The following SH3BGRL2 variants were observed in gnomAD, a reference collection of about 807,000 sequenced individuals.
SH3BGRL2 encodes the protein SH3 domain binding glutamate rich protein like 2.
Under a neutral mutation model 14.8 loss-of-function variants are expected in SH3BGRL2, and 21 were observed. The observed-to-expected ratio is 1.42, with a 90% CI of 1.01 to 2.05. The LOEUF (loss-of-function observed/expected upper bound fraction) is 2.05. Ranked by LOEUF, SH3BGRL2 falls within the 30% of genes most tolerant of loss-of-function variation. SH3BGRL2 has a pLI of 0.00. For synonymous variants in SH3BGRL2, 50 were observed against 47.8 expected, an observed-to-expected ratio of 1.05 and a Z score of -0.19; for missense variants, 147 against 130.8, an observed-to-expected ratio of 1.12 and a Z score of -0.61.
chr6:79,547,693 C>T, the SH3BGRL2 span, among the ~76,000 whole-genome samples: 1 of 152,026 alleles, frequency 6.6e-6, no homozygotes. Flanking sequence ...ACTTCAAAAA[C>T]TGAAAGTAAT....
intron 1 of SH3BGRL2, among the ~76,000 whole-genome samples, chr6:79,650,362 A>AGAT (rs1769263304): frequency 6.6e-6 from 1 of 152,186 alleles, no homozygotes; most frequent in Non-Finnish European, 1.5e-5. Context: ...AGTACCGATG[A>AGAT]GATGACCAAC....
chr6:79,552,137 T>C, the SH3BGRL2 span, among the ~76,000 whole-genome samples: 2 of 152,140 alleles, frequency 1.3e-5, no homozygotes, highest in African/African-American at 2.4e-5. Context: ...GTGTGCAGTC[T>C]CTGTAACCTG....
At chr6:79,550,745 C>T in the SH3BGRL2 span, among the ~76,000 whole-genome samples, 111 of 152,200 alleles carry the variant, frequency 7.3e-4, no homozygotes, top group African/African-American at 2.5e-3. Context: ...ATAGGAGATG[C>T]CTTTGCACAG....
intron 2 of SH3BGRL2, among the ~76,000 whole-genome samples, chr6:79,694,295 C>G (rs1485830324): frequency 1.3e-5 from 2 of 152,204 alleles, no homozygotes; most frequent in Non-Finnish European, 2.9e-5. Context: ...ATTTAGCCCT[C>G]TTCCTCCTCT....
intron 1 of SH3BGRL2, among the ~76,000 whole-genome samples, chr6:79,636,705 C>A (rs894292467): frequency 6.6e-6 from 1 of 152,126 alleles, no homozygotes; most frequent in Non-Finnish European, 1.5e-5. Flanking sequence ...CCATGTCTTT[C>A]TCCTAGTTTC....
the SH3BGRL2 span, among the ~76,000 whole-genome samples, chr6:79,544,093 C>T: frequency 6.6e-6 from 1 of 152,152 alleles, no homozygotes; most frequent in Admixed American, 6.5e-5. Flanking sequence ...TTCTCAGTTC[C>T]TGTTTCTGGT....
At chr6:79,537,983 TG>T in the SH3BGRL2 span, among the ~76,000 whole-genome samples, 2 of 142,908 alleles carry the variant, frequency 1.4e-5, no homozygotes, top group African/African-American at 5.2e-5. Context: ...GGAACGGGTT[TG>T]GGGTGGAATG....
At chr6:79,665,376 G>A (rs1188285581) in intron 1 of SH3BGRL2, among the ~76,000 whole-genome samples, 2 of 152,114 alleles carry the variant, frequency 1.3e-5, no homozygotes, top group African/African-American at 2.4e-5. Flanking sequence ...TAATACAACA[G>A]AAACATCCTT....
intron 1 of SH3BGRL2, among the ~76,000 whole-genome samples, chr6:79,671,662 C>T (rs1196783967): frequency 6.6e-6 from 1 of 152,164 alleles, no homozygotes; most frequent in Admixed American, 6.5e-5. Flanking sequence ...TGGAATTAAG[C>T]CCAGCACATG....
At chr6:79,570,370 T>C in the SH3BGRL2 span, among the ~76,000 whole-genome samples, 1 of 152,178 alleles carries the variant, frequency 6.6e-6, no homozygotes, top group Non-Finnish European at 1.5e-5. Context: ...GAGTGCTAGC[T>C]CAAATCATTT....
the SH3BGRL2 span, among the ~76,000 whole-genome samples, chr6:79,618,028 A>G: frequency 2.0e-5 from 3 of 152,222 alleles, no homozygotes; most frequent in Non-Finnish European, 4.4e-5. Context: ...AATTATGTAG[A>G]TTATTTAATA....
the SH3BGRL2 span, among the ~76,000 whole-genome samples, chr6:79,580,707 A>G: frequency 6.6e-6 from 1 of 152,206 alleles, no homozygotes; most frequent in African/African-American, 2.4e-5. Context: ...TCTAAAATCG[A>G]CACACTAACA....
At chr6:79,591,319 A>C in the SH3BGRL2 span, among the ~76,000 whole-genome samples, 4 of 152,248 alleles carry the variant, frequency 2.6e-5, no homozygotes, top group South Asian at 8.3e-4. Flanking sequence ...GGGGCTATTG[A>C]TCTAATCTTT....
chr6:79,642,016 G>C (rs1242917525), intron 1 of SH3BGRL2, among the ~76,000 whole-genome samples: 1 of 152,130 alleles, frequency 6.6e-6, no homozygotes, highest in Non-Finnish European at 1.5e-5. Context: ...TGTTGTGCAC[G>C]ACCCATTCAG....
chr6:79,682,189 A>G (rs1770001181), intron 2 of SH3BGRL2, among the ~76,000 whole-genome samples: 1 of 152,236 alleles, frequency 6.6e-6, no homozygotes, highest in South Asian at 2.1e-4. Flanking sequence ...ATCAATATGC[A>G]AGTACAGGAA....
At chr6:79,569,942 A>G in the SH3BGRL2 span, among the ~76,000 whole-genome samples, 1 of 152,148 alleles carries the variant, frequency 6.6e-6, no homozygotes, top group Admixed American at 6.5e-5. Context: ...TGTATAGAGT[A>G]AGACTGTCAA....
rs1333470505 is a variant in SH3BGRL2, at chr6:79,703,415, A to T, written c.*3906A>T. 2 of 152,218 alleles carry T rather than the reference A, an allele frequency of 1.3e-5. No homozygotes were observed. Among genetic ancestry groups the T allele is most frequent in the Non-Finnish European group, 2.9e-5 (2 of 68,044 alleles). 9.4% of individuals were successfully genotyped at this position (152,218 alleles called of 1,614,324 possible). A position where few individuals can be genotyped will look rare whatever the true frequency, so the allele number is the denominator to read the frequency against. On this transcript the variant is annotated 3_prime_UTR_variant, in exon 4 of 4. Coordinates refer to ENST00000369838, the MANE Select transcript of SH3BGRL2 (RefSeq NM_031469.4). ...ATATAGATATGTATATACACATATA[A>T]TATATATGCTAAAGTATAAAGAGTA...
At chr6:79,647,618 T>C (rs896164148) in intron 1 of SH3BGRL2, among the ~76,000 whole-genome samples, 1 of 152,120 alleles carries the variant, frequency 6.6e-6, no homozygotes, top group Non-Finnish European at 1.5e-5. Context: ...AATATAATCC[T>C]AAATGTACTC....
chr6:79,565,985 A>G, the SH3BGRL2 span, among the ~76,000 whole-genome samples: 1 of 152,244 alleles, frequency 6.6e-6, no homozygotes, highest in South Asian at 2.1e-4. Flanking sequence ...GGTGCAACTT[A>G]CTTCACAGAA....
Sources: gnomAD v4.1 joint callset for allele counts (sites outside exome capture counted in the v4.1 genomes callset) on GRCh38, gnomAD v4.1.1 for gene constraint, MANE v1.5 for transcripts, NCBI Gene and HGNC (gene_info 2026-07-23, HGNC 2026-07-21) for gene names.